CUBN: variants seen among roughly 807,000 people sequenced by gnomAD.
The protein encoded by CUBN is 460 kDa receptor.
A neutral mutation model predicts 405.3 loss-of-function variants in CUBN; 282 were observed. The observed-to-expected ratio is 0.70, with a 90% CI of 0.63 to 0.77. The LOEUF (loss-of-function observed/expected upper bound fraction) is 0.77, where lower values mean the gene tolerates loss of function less well. CUBN is among the 30% of genes least tolerant of loss of function. The pLI is 0.00. For missense variants in CUBN, 4,514 were observed against 4,475.2 expected (o/e 1.01, Z -0.25); for synonymous variants, 1,684 against 1,617.0 (o/e 1.04, Z -0.99).
At chr10:16,956,438 A>T (rs1406466270) in intron 31 of CUBN, among the ~76,000 whole-genome samples, 2 of 152,016 alleles carry the variant, frequency 1.3e-5, no homozygotes, top group Admixed American at 6.6e-5. Flanking sequence ...TATAATTTCC[A>T]ATCTAGTATG....
chr10:16,852,168 C>A (rs1439128601), intron 59 of CUBN, among the ~76,000 whole-genome samples: 2 of 125,056 alleles, frequency 1.6e-5, no homozygotes, highest in South Asian at 3.1e-4. Flanking sequence ...TCCCTCCCTC[C>A]CTCTATCTTT....
rs910478789 is a variant in CUBN at position 17,053,224 on chromosome 10, T to C, written c.3140-5621A>G. Among the ~76,000 whole-genome samples, 9 of 151,928 alleles carry C rather than the reference T, an allele frequency of 5.9e-5. 1 individual carries two copies. Among genetic ancestry groups the C allele is most frequent in the African/African-American group, 1.7e-4 (7 of 41,388 alleles). ...CATAATGGTATGTTAAATTCAACCA[T>C]AAAAATAATTACATTAGTTGTAAAT... On this transcript the variant is annotated intron_variant, in intron 22 of 66. Transcript: ENST00000377833.
chr10:16,884,255 T>TA (rs1370917534), intron 56 of CUBN, among the ~76,000 whole-genome samples: 3 of 152,350 alleles, frequency 2.0e-5, no homozygotes, highest in Admixed American at 2.0e-4. Context: ...GTGGGGGAAT[T>TA]ACAGGCGTGA....
chr10:17,057,854 G>A (rs1033171621), intron 22 of CUBN, among the ~76,000 whole-genome samples: 4 of 152,120 alleles, frequency 2.6e-5, no homozygotes, highest in African/African-American at 9.7e-5. Context: ...CGGGTGCGGT[G>A]GCTCACGCCT....
In CUBN at chr10:16,925,715, T is replaced by C. The variant is rs781543933; in HGVS notation, c.6331A>G (p.Thr2111Ala). Residue 2111 changes from threonine to alanine, a missense_variant, in exon 42 of 67, where the codon ACT (threonine) becomes GCT (alanine). Physicochemically the swap from Thr to Ala is moderately conservative, Grantham distance 58 (BLOSUM62 0). Coordinates refer to ENST00000377833, the MANE Select transcript of CUBN (RefSeq NM_001081.4). ...GIITSPKYPE[T>A]YPSNLNCSWH... ...GAACAGTTGAGGTTGGATGGGTAAG[T>C]CTCTGGATACTTGGGGGACGTGATG... is the stretch of plus-strand genomic sequence containing the variant. 11 of 1,613,886 alleles carry C rather than the reference T, an allele frequency of 6.8e-6. No homozygotes were observed. Among genetic ancestry groups the C allele is most frequent in the Non-Finnish European group, 9.3e-6 (11 of 1,179,946 alleles).
At chr10:16,949,564 T>A (rs1554798773) in intron 34 of CUBN, among the ~76,000 whole-genome samples, 1 of 151,844 alleles carries the variant, frequency 6.6e-6, no homozygotes, top group Non-Finnish European at 1.5e-5. Flanking sequence ...AAAAGACAGA[T>A]TTTTAATGGA....
intron 28 of CUBN, among the ~76,000 whole-genome samples, chr10:17,016,733 T>C (rs1834338500): frequency 6.6e-6 from 1 of 152,114 alleles, no homozygotes; most frequent in Non-Finnish European, 1.5e-5. Flanking sequence ...TATTTCCTTC[T>C]GGGTGGGGGA....
At chr10:17,124,973 A>G (rs1255563520) in intron 4 of CUBN, among the ~76,000 whole-genome samples, 1 of 152,076 alleles carries the variant, frequency 6.6e-6, no homozygotes, top group African/African-American at 2.4e-5. Flanking sequence ...CTGGGACTAC[A>G]GGAATGTCCC....
intron 31 of CUBN, among the ~76,000 whole-genome samples, chr10:16,973,287 C>A (rs1040035343): frequency 7.2e-5 from 11 of 152,168 alleles, no homozygotes; most frequent in African/African-American, 2.7e-4. Flanking sequence ...ACTTAAATGT[C>A]GCCTCCAGTG....
intron 32 of CUBN, 63 bp from the exon 33 acceptor site, chr10:16,952,452 C>G (rs566550333): frequency 1.2e-4 from 118 of 1,005,346 alleles, no homozygotes; most frequent in Non-Finnish European, 1.7e-4. Flanking sequence ...CCGTACAAAA[C>G]AATTATTTGA....
intron 14 of CUBN, among the ~76,000 whole-genome samples, chr10:17,098,734 G>A (rs1008635412): frequency 6.6e-6 from 1 of 151,982 alleles, no homozygotes; most frequent in Non-Finnish European, 1.5e-5. Flanking sequence ...AATGTATATG[G>A]AATCAAAATC....
At chr10:16,845,001 G>A (rs1030150753) in intron 60 of CUBN, among the ~76,000 whole-genome samples, 3 of 152,192 alleles carry the variant, frequency 2.0e-5, no homozygotes, top group Admixed American at 6.5e-5. Context: ...GTGGGTAAGT[G>A]CTGAGAAGAA....
At chr10:17,077,342 T>C (rs1231441870) in intron 17 of CUBN, among the ~76,000 whole-genome samples, 1 of 152,124 alleles carries the variant, frequency 6.6e-6, no homozygotes, top group Non-Finnish European at 1.5e-5. Context: ...TGATTTTCTA[T>C]AGAGAGAACT....
At chr10:17,105,643 T>A in intron 10 of CUBN, 68 bp from the exon 11 acceptor site, 1 of 859,874 alleles carries the variant, frequency 1.2e-6, no homozygotes, top group Non-Finnish European at 2.0e-6. Context: ...GTATCTAAAC[T>A]CAGAATCTGC....
At chr10:17,010,553 C>T (rs923159400) in intron 28 of CUBN, among the ~76,000 whole-genome samples, 2 of 152,104 alleles carry the variant, frequency 1.3e-5, no homozygotes, top group African/African-American at 4.8e-5. Flanking sequence ...GTGAGAGAAT[C>T]ACTTAAGCCT....
intron 27 of CUBN, among the ~76,000 whole-genome samples, chr10:17,024,346 T>G (rs1834595542): frequency 6.6e-6 from 1 of 152,180 alleles, no homozygotes; most frequent in South Asian, 2.1e-4. Context: ...AAATCAACTT[T>G]ATGAACTGCA....
At chr10:16,974,617 C>T (rs1337477675) in intron 31 of CUBN, among the ~76,000 whole-genome samples, 1 of 152,076 alleles carries the variant, frequency 6.6e-6, no homozygotes, top group Non-Finnish European at 1.5e-5. Context: ...GTGATCCCCC[C>T]GCCTCGGCCT....
At chr10:17,041,299 A>T in intron 26 of CUBN, 79 bp from the exon 27 acceptor site, 1 of 1,175,788 alleles carries the variant, frequency 8.5e-7, no homozygotes, top group Non-Finnish European at 1.3e-6. Context: ...CTTTAAAAAA[A>T]ATAAATAAAA....
At chr10:17,115,046 T>C (rs11254374) in intron 7 of CUBN, among the ~76,000 whole-genome samples, 88,218 of 151,772 alleles carry the variant, frequency 0.58, 26,676 homozygotes, top group Non-Finnish European at 0.67. Flanking sequence ...GAGTTCGAGA[T>C]CATCCTGGCC....
Sources: gnomAD v4.1 joint callset for allele counts (sites outside exome capture counted in the v4.1 genomes callset) on GRCh38, gnomAD v4.1.1 for gene constraint, MANE v1.5 for transcripts, NCBI Gene and HGNC (gene_info 2026-07-23, HGNC 2026-07-21) for gene names.